The following STMND1 variants were observed in gnomAD, a reference collection of about 807,000 sequenced individuals.
The protein encoded by STMND1 is stathmin domain-containing protein 1.
Under a neutral mutation model 23.0 loss-of-function variants are expected in STMND1, and 17 were observed. The observed-to-expected ratio is 0.74, with a 90% CI of 0.51 to 1.11. The LOEUF (loss-of-function observed/expected upper bound fraction) is 1.11, where lower values mean the gene tolerates loss of function less well. Ranked by LOEUF, STMND1 falls within the 50% of genes least tolerant of loss-of-function variation. The probability of loss-of-function intolerance (pLI) is 0.00; values close to 1 mark genes in which losing one functional copy is unlikely to be tolerated. For synonymous variants in STMND1, 114 were observed against 119.9 expected (o/e 0.95, Z 0.32); for missense variants, 305 against 329.1 (o/e 0.93, Z 0.57).
chr6:17,108,623 G>A (rs1403363809), intron 1 of STMND1, among the ~76,000 whole-genome samples: 2 of 152,016 alleles, frequency 1.3e-5, no homozygotes, highest in Non-Finnish European at 2.9e-5. Flanking sequence ...CATGACTTAC[G>A]TGATGTGCAT....
chr6:17,104,921 A>G (rs1054678073), intron 1 of STMND1, among the ~76,000 whole-genome samples: 1 of 152,172 alleles, frequency 6.6e-6, no homozygotes, highest in African/African-American at 2.4e-5. Flanking sequence ...GGGCCTCTCT[A>G]TCTGTGGGTT....
rs773634151 is a variant in STMND1, at chr6:17,114,963, C to T, written c.83C>T (p.Ala28Val). The change falls in exon 2 of 5, where the codon GCT becomes GTT. Residue 28 changes from alanine (A) to valine (V), a missense_variant and splice_region_variant. Physicochemically the swap from Ala to Val is moderately conservative, Grantham distance 64. Coordinates refer to ENST00000536551, the MANE Select transcript of STMND1 (RefSeq NM_001190766.2). ...AACAAAACTGTTCCCTTTTCACAGG[C>T]TGATGTCAGTGTGCCTCATACTGGG... ...PKKGWKEEFKADVSVPHTGEN... is the reference protein window; with the variant it reads ...PKKGWKEEFKVDVSVPHTGEN... 1.3e-6 allele frequency: 2 copies of T among 1,513,348 alleles called. No homozygotes were observed. Among genetic ancestry groups the T allele is most frequent in the African/African-American group, 1.4e-5 (1 of 71,682 alleles). The allele number at this position is 1,513,348 out of a possible 1,614,324, so 93.7% of individuals were successfully genotyped here.
At chr6:17,113,436 A>T (rs1761119558) in intron 1 of STMND1, among the ~76,000 whole-genome samples, 1 of 152,190 alleles carries the variant, frequency 6.6e-6, no homozygotes, top group South Asian at 2.1e-4. Flanking sequence ...TACCCAGATT[A>T]TCAAGGGTAA....
At chr6:17,109,676 C>T (rs147266858) in intron 1 of STMND1, among the ~76,000 whole-genome samples, 1 of 152,258 alleles carries the variant, frequency 6.6e-6, no homozygotes, top group East Asian at 1.9e-4. Flanking sequence ...GAGGTTGCTT[C>T]TCACAGTACA....
At chr6:17,109,106 G>A (rs1038314311) in intron 1 of STMND1, among the ~76,000 whole-genome samples, 2 of 152,166 alleles carry the variant, frequency 1.3e-5, no homozygotes, top group African/African-American at 4.8e-5. Context: ...GGCAGTAACT[G>A]TGTCCATGAA....
At position 17,129,173 on chromosome 6, in the gene STMND1, A is replaced by G; in HGVS notation, c.473A>G (p.Lys158Arg). 2 of 1,536,048 alleles carry G rather than the reference A, an allele frequency of 1.3e-6. No individual in the cohort carries two copies. The highest frequency in any genetic ancestry group is 1.7e-6 in the Non-Finnish European group (2 of 1,146,866). ...PPSRLKKLKIKKQVKDFTMKD... is the reference protein window; with the variant it reads ...PPSRLKKLKIRKQVKDFTMKD... ...TCCAGACTGAAAAAACTCAAGATCAAAAAGCAAGTGAAGGATTTCACAATG... is the reference window on the plus strand; with the variant it reads ...TCCAGACTGAAAAAACTCAAGATCAGAAAGCAAGTGAAGGATTTCACAATG... The change falls in exon 4 of 5, where the codon AAA becomes AGA. Residue 158 changes from lysine to arginine, a missense_variant. Coordinates refer to ENST00000536551, the MANE Select transcript of STMND1 (RefSeq NM_001190766.2).
intron 2 of STMND1, among the ~76,000 whole-genome samples, chr6:17,118,980 C>G (rs1221017797): frequency 6.6e-6 from 1 of 152,072 alleles, no homozygotes; most frequent in Admixed American, 6.5e-5. Flanking sequence ...AGTAAATGAT[C>G]ATTATTATTA....
intron 1 of STMND1, among the ~76,000 whole-genome samples, chr6:17,104,159 G>T (rs1195981790): frequency 6.6e-6 from 1 of 152,052 alleles, no homozygotes; most frequent in Admixed American, 6.6e-5. Flanking sequence ...CTCTTCCTGA[G>T]ATGCCCTCCC....
chr6:17,115,118 A>T lies in STMND1; in HGVS notation c.238A>T (p.Arg80Ter), dbSNP rs1033777501. The T allele has an allele frequency of 6.5e-7, 1 of 1,535,374 alleles. No homozygotes were observed. The highest frequency in any genetic ancestry group is 8.7e-7 in the Non-Finnish European group (1 of 1,146,720). ...AGAAAATTCTCCATCTCCTAGTGAA[A>T]GAAACAGACGAGTAAATTCAGGTAA... ...ISENSPSPSE[R>*]NRRVNSDLVT... The change falls in exon 2 of 5, where the codon AGA (arginine) becomes TGA (stop). Residue 80 changes from arginine to a stop codon, truncating the protein, a stop_gained. Transcript: ENST00000536551. LOFTEE classifies it high-confidence loss of function.
At chr6:17,123,714 G>A (rs556960493) in intron 3 of STMND1, among the ~76,000 whole-genome samples, 3 of 152,156 alleles carry the variant, frequency 2.0e-5, no homozygotes, top group African/African-American at 7.2e-5. Context: ...AATCATTCTT[G>A]ATTCCCTATT....
At chr6:17,120,291 C>A (rs970309000) in intron 2 of STMND1, among the ~76,000 whole-genome samples, 5 of 152,178 alleles carry the variant, frequency 3.3e-5, no homozygotes, top group African/African-American at 9.7e-5. Flanking sequence ...TCGAGCAAAC[C>A]AACGTTGTCG....
chr6:17,103,125 G>T (rs1218229851), intron 1 of STMND1, among the ~76,000 whole-genome samples: 2 of 152,006 alleles, frequency 1.3e-5, no homozygotes, highest in Non-Finnish European at 2.9e-5. Flanking sequence ...AACCCTCAAG[G>T]GTCCACCTAA....
intron 1 of STMND1, among the ~76,000 whole-genome samples, chr6:17,114,558 G>A (rs979429258): frequency 3.3e-5 from 5 of 152,196 alleles, no homozygotes; most frequent in Non-Finnish European, 5.9e-5. Context: ...GAGCCACTGC[G>A]CCCGGCCACA....
At chr6:17,125,879 C>G (rs1443489892) in intron 3 of STMND1, among the ~76,000 whole-genome samples, 1 of 151,322 alleles carries the variant, frequency 6.6e-6, no homozygotes, top group Admixed American at 6.6e-5. Flanking sequence ...AAACAGGACT[C>G]TAATCTAATT....
chr6:17,130,573 T>C, intron 4 of STMND1, 21 bp from the exon 5 acceptor site: 1 of 1,466,566 alleles, frequency 6.8e-7, no homozygotes, highest in South Asian at 1.4e-5. Context: ...CTCTTTTTCA[T>C]TCTTTAATAC....
At chr6:17,106,721 AAAATG>A (rs1431634331) in intron 1 of STMND1, among the ~76,000 whole-genome samples, 1 of 152,246 alleles carries the variant, frequency 6.6e-6, no homozygotes, top group Non-Finnish European at 1.5e-5. Context: ...CAGGATCTTT[AAAATG>A]AAATGAACGT....
chr6:17,108,773 T>G (rs1397256333), intron 1 of STMND1, among the ~76,000 whole-genome samples: 4 of 150,412 alleles, frequency 2.7e-5, no homozygotes. Context: ...CTCGGCTCAC[T>G]GCAACCTCCG....
intron 3 of STMND1, among the ~76,000 whole-genome samples, chr6:17,126,672 A>G (rs909856471): frequency 6.6e-6 from 1 of 152,236 alleles, no homozygotes; most frequent in Non-Finnish European, 1.5e-5. Context: ...CAGGAAACTT[A>G]GGAGCCAATT....
chr6:17,115,540 G>T (rs773774312), intron 2 of STMND1, among the ~76,000 whole-genome samples: 1 of 152,064 alleles, frequency 6.6e-6, no homozygotes, highest in Non-Finnish European at 1.5e-5. Context: ...ACAATAAACT[G>T]TTTTCCCTGT....
Sources: allele counts gnomAD v4.1 joint callset (sites outside exome capture counted in the v4.1 genomes callset), GRCh38; gene constraint gnomAD v4.1.1; transcripts MANE v1.5; gene names NCBI Gene and HGNC (gene_info 2026-07-23, HGNC 2026-07-21).